The following GPC5 variants were observed in gnomAD, a reference collection of about 807,000 sequenced individuals.
The protein encoded by GPC5 is glypican-5.
In GPC5, 47 loss-of-function variants were observed where a neutral mutation model predicts 53.9. That is an observed-to-expected ratio of 0.87 (90% CI 0.69 to 1.11). GPC5 has a LOEUF of 1.11. GPC5 is among the 50% of genes most tolerant of loss of function. The pLI is 0.00. For missense variants in GPC5, 748 were observed against 713.1 expected (o/e 1.05, Z -0.56); for synonymous variants, 286 against 263.3 (o/e 1.09, Z -0.84).
intron 5 of GPC5, among the ~76,000 whole-genome samples, chr13:91,878,144 A>C (rs2039224880): frequency 6.6e-6 from 1 of 152,196 alleles, no homozygotes; most frequent in Non-Finnish European, 1.5e-5. Context: ...AGACTAATAC[A>C]ACTAGACTAG....
chr13:92,053,259 C>G (rs933068662), intron 6 of GPC5, among the ~76,000 whole-genome samples: 1 of 152,164 alleles, frequency 6.6e-6, no homozygotes, highest in Non-Finnish European at 1.5e-5. Flanking sequence ...AGGCGTCAGG[C>G]ATGTTCAGCA....
rs1566503396 is a variant in GPC5, at chr13:92,248,219, AT to A, written c.1561+103235del. 9.9e-5 allele frequency among the ~76,000 whole-genome samples: 15 copies of A among 151,438 alleles called. No individual in the cohort carries two copies. The South Asian group carries it at 3.1e-3, about 32-fold the overall frequency. On this transcript the variant is annotated intron_variant, in intron 7 of 7. Transcript: ENST00000377067. ...GGCCATAGGAAAAAAAAAAAAACAG[AT>A]TTTTAGCCCCATAGGCTGAGGGATT... is the stretch of plus-strand genomic sequence containing the variant.
At chr13:91,597,731 A>G (rs142189220) in intron 2 of GPC5, among the ~76,000 whole-genome samples, 72 of 152,240 alleles carry the variant, frequency 4.7e-4, no homozygotes, top group African/African-American at 1.6e-3. Context: ...TTTACAAGGT[A>G]TACCTGTTTT....
chr13:92,631,700 G>A (rs1033006265), intron 7 of GPC5, among the ~76,000 whole-genome samples: 4 of 152,088 alleles, frequency 2.6e-5, no homozygotes, highest in Non-Finnish European at 4.4e-5. Context: ...GGCAAAGGAT[G>A]AGCATCCTTA....
intron 7 of GPC5, among the ~76,000 whole-genome samples, chr13:92,229,303 G>C (rs2042512596): frequency 6.6e-6 from 1 of 151,996 alleles, no homozygotes; most frequent in African/African-American, 2.4e-5. Flanking sequence ...ATACTGTATT[G>C]ATGAGAAAAG....
chr13:92,602,143 GTA>G (rs1486469482), intron 7 of GPC5, among the ~76,000 whole-genome samples: 3 of 140,886 alleles, frequency 2.1e-5, no homozygotes, highest in African/African-American at 7.9e-5. Flanking sequence ...ACATATGTGT[GTA>G]TATATATACA....
At chr13:91,758,672 A>G (rs942804019) in intron 5 of GPC5, among the ~76,000 whole-genome samples, 4 of 152,132 alleles carry the variant, frequency 2.6e-5, no homozygotes, top group Admixed American at 2.6e-4. Context: ...ACTCTCCATG[A>G]AAACCGTCCA....
chr13:92,685,613 C>A (rs1336766041), intron 7 of GPC5, among the ~76,000 whole-genome samples: 52 of 114,916 alleles, frequency 4.5e-4, no homozygotes, highest in African/African-American at 1.8e-3. Flanking sequence ...GCACATTGTG[C>A]AGGTTAGTTA....
At chr13:92,295,634 G>T (rs941112651) in intron 7 of GPC5, among the ~76,000 whole-genome samples, 2 of 152,138 alleles carry the variant, frequency 1.3e-5, no homozygotes, top group Non-Finnish European at 2.9e-5. Flanking sequence ...AATCTTGGGA[G>T]CTCCAGTATT....
intron 5 of GPC5, among the ~76,000 whole-genome samples, chr13:91,809,650 T>C (rs1290133969): frequency 2.0e-5 from 3 of 152,122 alleles, no homozygotes; most frequent in South Asian, 4.1e-4. Flanking sequence ...CCTTAGAATA[T>C]AATAATTGAA....
At chr13:91,976,206 G>A (rs1433483879) in intron 6 of GPC5, among the ~76,000 whole-genome samples, 1 of 152,114 alleles carries the variant, frequency 6.6e-6, no homozygotes, top group Non-Finnish European at 1.5e-5. Flanking sequence ...CACCAACATG[G>A]CAACATGTAT....
chr13:92,557,181 T>C (rs1366459844), intron 7 of GPC5, among the ~76,000 whole-genome samples: 4 of 151,900 alleles, frequency 2.6e-5, no homozygotes, highest in Non-Finnish European at 5.9e-5. Flanking sequence ...TCTGTCTTTT[T>C]TGTCATGTAA....
intron 4 of GPC5, among the ~76,000 whole-genome samples, chr13:91,732,834 A>T (rs1270791600): frequency 2.0e-5 from 3 of 151,946 alleles, no homozygotes; most frequent in Non-Finnish European, 4.4e-5. Flanking sequence ...ATGGTTGTAG[A>T]TTTGAGGTGT....
At chr13:92,727,703 T>C (rs920088944) in intron 7 of GPC5, among the ~76,000 whole-genome samples, 1 of 151,512 alleles carries the variant, frequency 6.6e-6, no homozygotes, top group Admixed American at 6.6e-5. Flanking sequence ...CTCCCTACCC[T>C]CTCACTTCTG....
chr13:92,737,722 G>A (rs1395982538), intron 7 of GPC5, among the ~76,000 whole-genome samples: 1 of 148,330 alleles, frequency 6.7e-6, no homozygotes, highest in East Asian at 2.0e-4. Flanking sequence ...AATTAGATTT[G>A]AAATGGAAAA....
chr13:91,462,241 C>T (rs370047734), intron 2 of GPC5, among the ~76,000 whole-genome samples: 52 of 152,168 alleles, frequency 3.4e-4, no homozygotes, highest in Middle Eastern at 3.4e-3. Context: ...AAAGTTTTGA[C>T]GTCACTTATT....
rs559010329 is a variant in GPC5, at chr13:92,321,009, A to G, written c.1561+176020A>G. ...TTACTTGATATTAGCAAATTACTGC[A>G]GATTTTTTTTTCTTTCATACAATGT... On this transcript the variant is annotated intron_variant, in intron 7 of 7. Transcript: ENST00000377067. Among the ~76,000 whole-genome samples the G allele has an allele frequency of 3.3e-5, 5 of 151,376 alleles. No individual in the cohort carries two copies. The South Asian group carries it at 1.0e-3, about 31-fold the overall frequency.
chr13:92,698,220 G>A (rs981670188), intron 7 of GPC5, among the ~76,000 whole-genome samples: 5 of 151,868 alleles, frequency 3.3e-5, no homozygotes, highest in Admixed American at 6.6e-5. Flanking sequence ...CAACGTGCAC[G>A]TTAGTTACAT....
intron 7 of GPC5, among the ~76,000 whole-genome samples, chr13:92,595,496 C>T (rs771805608): frequency 8.5e-5 from 13 of 152,082 alleles, no homozygotes; most frequent in Non-Finnish European, 1.6e-4. Context: ...CGGCCGGGCG[C>T]GGTGGCTCAC....
Sources: allele counts gnomAD v4.1 joint callset (sites outside exome capture counted in the v4.1 genomes callset), GRCh38; gene constraint gnomAD v4.1.1; transcripts MANE v1.5; gene names NCBI Gene and HGNC (gene_info 2026-07-23, HGNC 2026-07-21).